ZDHHC17: variants seen among roughly 807,000 people sequenced by gnomAD.
The protein encoded by ZDHHC17 is zDHHC palmitoyltransferase 17.
A neutral mutation model predicts 90.3 loss-of-function variants in ZDHHC17; 40 were observed. The ratio of observed to expected loss-of-function variants is 0.44; its 90% CI spans 0.34 to 0.58. The LOEUF (loss-of-function observed/expected upper bound fraction) is 0.58. Ranked by LOEUF, ZDHHC17 falls within the 20% of genes least tolerant of loss-of-function variation. The pLI is 0.01. For synonymous variants in ZDHHC17, 235 were observed against 252.4 expected, an observed-to-expected ratio of 0.93 and a Z score of 0.65; for missense variants, 614 against 780.8, an observed-to-expected ratio of 0.79 and a Z score of 2.55.
rs569308162 is a variant in ZDHHC17, at chr12:76,813,747, T to C, written c.544-1399T>C. 2.0e-5 allele frequency among the ~76,000 whole-genome samples: 3 copies of C among 152,230 alleles called. No homozygotes were observed. The South Asian group carries it at 6.2e-4, about 32-fold the overall frequency. On this transcript the variant is annotated intron_variant, in intron 5 of 16. Coordinates refer to ENST00000426126, the MANE Select transcript of ZDHHC17 (RefSeq NM_015336.4). Reference sequence around the variant, plus strand: ...AGAGAAGAAGAAGAAACTTAATATTTATTGAATATCCATTATGTTCTCAGC... The same window carrying C: ...AGAGAAGAAGAAGAAACTTAATATTCATTGAATATCCATTATGTTCTCAGC...
intron 2 of ZDHHC17, among the ~76,000 whole-genome samples, chr12:76,801,737 A>G (rs997597556): frequency 6.6e-6 from 1 of 152,238 alleles, no homozygotes; most frequent in African/African-American, 2.4e-5. Flanking sequence ...CCAATAACTT[A>G]ATAAACTGTG....
At chr12:76,814,567 A>G (rs1376218936) in intron 5 of ZDHHC17, among the ~76,000 whole-genome samples, 4 of 151,970 alleles carry the variant, frequency 2.6e-5, no homozygotes, top group South Asian at 2.1e-4. Flanking sequence ...TAGCAATTCA[A>G]ACATCTTATT....
intron 10 of ZDHHC17, among the ~76,000 whole-genome samples, chr12:76,831,391 A>C (rs143932920): frequency 0.011 from 1,687 of 152,182 alleles, 11 homozygotes; most frequent in Non-Finnish European, 0.017. Context: ...TGCACTGTCC[A>C]CCAGGCTAGA....
At chr12:76,783,012 T>G (rs372573554) in intron 1 of ZDHHC17, among the ~76,000 whole-genome samples, 1 of 152,128 alleles carries the variant, frequency 6.6e-6, no homozygotes, top group Admixed American at 6.6e-5. Flanking sequence ...AATTGGGATA[T>G]GCAGGCCCCC....
intron 2 of ZDHHC17, among the ~76,000 whole-genome samples, chr12:76,804,692 A>G (rs1420977636): frequency 6.6e-6 from 1 of 152,222 alleles, no homozygotes; most frequent in Non-Finnish European, 1.5e-5. Context: ...GCGTCTGGGA[A>G]GATTGCAACC....
At chr12:76,781,433 A>G (rs899769692) in intron 1 of ZDHHC17, among the ~76,000 whole-genome samples, 1 of 152,168 alleles carries the variant, frequency 6.6e-6, no homozygotes, top group Non-Finnish European at 1.5e-5. Flanking sequence ...TGTCATTGTG[A>G]TGGTATTAAG....
At position 76,821,764 on chromosome 12, in the gene ZDHHC17, T is replaced by G. The variant is rs1284932516; in HGVS notation, c.772-642T>G. ...GGGAATGCTTATTTGTTTCTTACTT[T>G]GATACATTTTATTCCTATCATGTAA... On this transcript the variant is annotated intron_variant, in intron 7 of 16. Coordinates refer to ENST00000426126, the MANE Select transcript of ZDHHC17 (RefSeq NM_015336.4). Among the ~76,000 whole-genome samples the G allele has an allele frequency of 3.3e-5, 5 of 152,320 alleles. No homozygotes were observed. The East Asian group carries it at 9.6e-4, about 29-fold the overall frequency.
Position 76,826,892 on chromosome 12 carries a change from T to G in ZDHHC17, c.898-16T>G. 6.6e-7 allele frequency: 1 copy of G among 1,506,302 alleles called. No homozygotes were observed. The highest frequency in any genetic ancestry group is 1.4e-5 in the South Asian group (1 of 74,048). The allele number at this position is 1,506,302 out of a possible 1,614,324, so 93.3% of individuals were successfully genotyped here. ...GAAACATGCAAAAACTTTTCTAATT[T>G]TTTGTTTCTATACAGGAATTTCGGC... On this transcript the variant is annotated splice_polypyrimidine_tract_variant and intron_variant, in intron 8 of 16. Transcript: ENST00000426126.
intron 3 of ZDHHC17, among the ~76,000 whole-genome samples, chr12:76,805,705 A>G (rs1465764873): frequency 2.0e-5 from 3 of 152,146 alleles, no homozygotes; most frequent in Non-Finnish European, 4.4e-5. Context: ...AAATATAACA[A>G]TTGTTACTGT....
intron 5 of ZDHHC17, among the ~76,000 whole-genome samples, chr12:76,812,308 C>G (rs984380358): frequency 1.1e-4 from 16 of 152,124 alleles, no homozygotes; most frequent in African/African-American, 2.9e-4. Context: ...TCTGCTTTAA[C>G]TGCACTAGTT....
At chr12:76,789,933 A>G (rs1952740597) in intron 1 of ZDHHC17, among the ~76,000 whole-genome samples, 1 of 152,210 alleles carries the variant, frequency 6.6e-6, no homozygotes, top group Non-Finnish European at 1.5e-5. Flanking sequence ...GTAAGGTAGT[A>G]TCCTGGATGG....
intron 1 of ZDHHC17, among the ~76,000 whole-genome samples, chr12:76,791,290 CTT>C (rs1472121260): frequency 1.3e-5 from 2 of 152,248 alleles, no homozygotes; most frequent in Non-Finnish European, 1.5e-5. Flanking sequence ...CTTATGCCCT[CTT>C]TTTATTATGA....
chr12:76,769,306 C>T (rs567030968), intron 1 of ZDHHC17: 318 of 158,698 alleles, frequency 2.0e-3, no homozygotes, highest in Admixed American at 3.2e-3. Flanking sequence ...GTGATCCACC[C>T]GCCTCGGCCT....
chr12:76,793,736 A>G (rs1261794971), intron 1 of ZDHHC17, among the ~76,000 whole-genome samples: 1 of 152,112 alleles, frequency 6.6e-6, no homozygotes, highest in South Asian at 2.1e-4. Context: ...ATTTTTTTCT[A>G]TTATACCAAG....
chr12:76,804,396 A>G (rs1008147914), intron 2 of ZDHHC17, among the ~76,000 whole-genome samples: 1 of 152,236 alleles, frequency 6.6e-6, no homozygotes, highest in Non-Finnish European at 1.5e-5. Context: ...TCAAGGACCA[A>G]AAGGGTTCAA....
intron 1 of ZDHHC17, among the ~76,000 whole-genome samples, chr12:76,795,598 G>C (rs1952810456): frequency 6.6e-6 from 1 of 152,130 alleles, no homozygotes; most frequent in Admixed American, 6.6e-5. Flanking sequence ...AGTGTTACTG[G>C]CTTAGAAGTA....
At chr12:76,849,272 T>C (rs1482531023) in intron 15 of ZDHHC17, 104 bp from the exon 16 acceptor site, 1 of 573,518 alleles carries the variant, frequency 1.7e-6, no homozygotes, top group Non-Finnish European at 2.8e-6. Context: ...AAGAGGGAGC[T>C]GAGAATTCGC....
rs201227238 is a variant in ZDHHC17, at chr12:76,805,192, A to G, written c.198-125A>G. On this transcript the variant is annotated intron_variant, in intron 2 of 16. Transcript: ENST00000426126. ...GTTGACATTTTAAAAGTAATATTCTATGTTGAGAAATACATTTTAATTTCC... is the reference window on the plus strand; with the variant it reads ...GTTGACATTTTAAAAGTAATATTCTGTGTTGAGAAATACATTTTAATTTCC... 167 of 932,960 alleles carry G rather than the reference A, an allele frequency of 1.8e-4. No homozygotes were observed. In the East Asian group the frequency reaches 3.6e-3, roughly 20 times the overall value. 57.8% of individuals were successfully genotyped at this position (932,960 alleles called of 1,614,324 possible).
chr12:76,795,217 GGTGT>G (rs71085456), intron 1 of ZDHHC17, among the ~76,000 whole-genome samples: 1 of 148,620 alleles, frequency 6.7e-6, no homozygotes, highest in Non-Finnish European at 1.5e-5. Context: ...TTGGTTCATG[GGTGT>G]GTGTGTGTGT....
Sources: allele counts gnomAD v4.1 joint callset (sites outside exome capture counted in the v4.1 genomes callset), GRCh38; gene constraint gnomAD v4.1.1; transcripts MANE v1.5; gene names NCBI Gene and HGNC (gene_info 2026-07-23, HGNC 2026-07-21).